B4GALT1: variants seen among roughly 807,000 people sequenced by gnomAD.
B4GALT1 encodes beta-1,4-galactosyltransferase 1.
B4GALT1 carries 16 observed loss-of-function variants against 34.9 expected under a neutral mutation model. The ratio of observed to expected loss-of-function variants is 0.46; its 90% CI spans 0.31 to 0.70. B4GALT1 has a LOEUF of 0.70. Among genes scored for constraint, B4GALT1 ranks in the 30% least tolerant of loss-of-function variants. B4GALT1 has a pLI of 0.05. For missense variants in B4GALT1, 445 were observed against 530.5 expected (o/e 0.84, Z 1.58); for synonymous variants, 221 against 218.1 (o/e 1.01, Z -0.12).
rs116487886 is a variant in B4GALT1 at position 33,126,012 on chromosome 9, T to C, written c.649-5406A>G. The stretch of plus-strand genomic sequence containing the variant: ...AAGACTCGCAATGAGTCAGAACTTC[T>C]ACGTGATAAGAGAGACACTGTTGCT... On this transcript the variant is annotated intron_variant, in intron 2 of 5. Coordinates refer to ENST00000379731, the MANE Select transcript of B4GALT1 (RefSeq NM_001497.4). 5.8e-3 allele frequency among the ~76,000 whole-genome samples: 884 copies of C among 152,264 alleles called. 7 individuals are homozygous for C. Among genetic ancestry groups the C allele is most frequent in the African/African-American group, 0.02 (837 of 41,556 alleles).
In B4GALT1 at chr9:33,116,075, A is replaced by G; in HGVS notation, c.875T>C (p.Leu292Pro). Reference protein sequence around the residue: ...YVQYFGGVSALSKQQFLTING... With the variant: ...YVQYFGGVSAPSKQQFLTING... ...GATGGTTAGAAACTGTTGTTTACTT[A>G]GAGCAGAGACACCTCCAAAATACTG... Residue 292 changes from leucine to proline, a missense_variant, in exon 4 of 6, where the codon CTA becomes CCA. Around this residue, in one of 3 missense-constraint regions of B4GALT1, gnomAD observed 349 missense variants for 395.5 expected, o/e 0.88. Transcript: ENST00000379731. The G allele has an allele frequency of 4.3e-6, 7 of 1,613,658 alleles. No homozygotes were observed. The highest frequency in any genetic ancestry group is 5.9e-6 in the Non-Finnish European group (7 of 1,179,656).
intron 1 of B4GALT1, among the ~76,000 whole-genome samples, chr9:33,157,601 T>C (rs1051475826): frequency 6.6e-6 from 1 of 152,208 alleles, no homozygotes; most frequent in Non-Finnish European, 1.5e-5. Context: ...TGCATTGGAA[T>C]ATGTATGCAT....
At chr9:33,131,645 G>C (rs757717346) in intron 2 of B4GALT1, among the ~76,000 whole-genome samples, 4 of 152,242 alleles carry the variant, frequency 2.6e-5, no homozygotes, top group Non-Finnish European at 5.9e-5. Context: ...ATGACAGCAG[G>C]GTGTCTGGGC....
the B4GALT1 span, among the ~76,000 whole-genome samples, chr9:33,183,285 A>C: frequency 6.6e-6 from 1 of 151,992 alleles, no homozygotes; most frequent in Non-Finnish European, 1.5e-5. Flanking sequence ...AAAACATAGG[A>C]TGATACCCAA....
chr9:33,119,367 G>A (rs1839987464), intron 3 of B4GALT1, among the ~76,000 whole-genome samples: 1 of 152,198 alleles, frequency 6.6e-6, no homozygotes, highest in South Asian at 2.1e-4. Context: ...AAAAATTTGG[G>A]CTTTGTATTT....
intron 2 of B4GALT1, 85 bp downstream of exon 2, chr9:33,135,104 C>G: frequency 7.4e-7 from 1 of 1,359,214 alleles, no homozygotes; most frequent in East Asian, 2.4e-5. Context: ...AAATCACTCC[C>G]CTTCCCCTGC....
chr9:33,118,649 G>A (rs1388737047), intron 3 of B4GALT1, among the ~76,000 whole-genome samples: 1 of 151,496 alleles, frequency 6.6e-6, no homozygotes, highest in African/African-American at 2.4e-5. Flanking sequence ...CAGGCTGGGT[G>A]ACAAGCAAGA....
Position 33,166,982 on chromosome 9 carries a change from C to A in B4GALT1, c.188G>T (p.Gly63Val). The A allele has an allele frequency of 1.3e-6, 2 of 1,587,214 alleles. No individual in the cohort carries two copies. The change falls in exon 1 of 6, where the codon GGC (glycine) becomes GTC (valine). Residue 63 changes from glycine to valine, a missense_variant. Physicochemically the swap from Gly to Val is moderately radical, Grantham distance 109. Coordinates refer to ENST00000379731, the MANE Select transcript of B4GALT1 (RefSeq NM_001497.4). ...CCCGATGGCGGCGGCACTGTTCGAG[C>A]CGCCCTGCAGCGGTGTGGAGACTCC... ...LVGVSTPLQG[G>V]SNSAAAIGQS...
At chr9:33,160,477 A>G (rs1840657708) in intron 1 of B4GALT1, among the ~76,000 whole-genome samples, 1 of 152,236 alleles carries the variant, frequency 6.6e-6, no homozygotes, top group Admixed American at 6.5e-5. Context: ...TAAAGACAAC[A>G]GCTATAACAC....
At chr9:33,181,531 G>A in the B4GALT1 span, among the ~76,000 whole-genome samples, 1 of 151,790 alleles carries the variant, frequency 6.6e-6, no homozygotes. Flanking sequence ...TTGATTTTTT[G>A]TGCCTCCTCT....
chr9:33,123,973 A>T (rs527363782), intron 2 of B4GALT1, among the ~76,000 whole-genome samples: 167 of 152,174 alleles, frequency 1.1e-3, no homozygotes, highest in African/African-American at 4.0e-3. Flanking sequence ...TTTCTCCCTC[A>T]TCCCAGCCTG....
At chr9:33,123,963 T>G (rs1840058358) in intron 2 of B4GALT1, among the ~76,000 whole-genome samples, 1 of 152,112 alleles carries the variant, frequency 6.6e-6, no homozygotes, top group East Asian at 1.9e-4. Context: ...TATCCCTCCC[T>G]TTCTCCCTCA....
At chr9:33,152,024 T>C (rs888895292) in intron 1 of B4GALT1, among the ~76,000 whole-genome samples, 1 of 152,168 alleles carries the variant, frequency 6.6e-6, no homozygotes, top group African/African-American at 2.4e-5. Flanking sequence ...CACATAAAAA[T>C]TCAAAACTTC....
chr9:33,144,319 C>A (rs983255063), intron 1 of B4GALT1, among the ~76,000 whole-genome samples: 1 of 152,144 alleles, frequency 6.6e-6, no homozygotes, highest in Admixed American at 6.5e-5. Context: ...CTGCAACCTC[C>A]GCCTCCCAGG....
chr9:33,163,668 G>A (rs568443739), intron 1 of B4GALT1, among the ~76,000 whole-genome samples: 1 of 152,218 alleles, frequency 6.6e-6, no homozygotes, highest in Non-Finnish European at 1.5e-5. Context: ...TAAACATGAC[G>A]GGGGAAGAAG....
chr9:33,115,044 G>A (rs933655460), intron 4 of B4GALT1, among the ~76,000 whole-genome samples: 5 of 152,082 alleles, frequency 3.3e-5, no homozygotes, highest in Admixed American at 3.3e-4. Flanking sequence ...CTATGTCCAG[G>A]TTTTCAGTGT....
chr9:33,172,548 C>T, the B4GALT1 span, among the ~76,000 whole-genome samples: 1 of 152,254 alleles, frequency 6.6e-6, no homozygotes, highest in East Asian at 1.9e-4. Flanking sequence ...TTCTTATCTG[C>T]CATCCTGCAA....
At chr9:33,113,648 C>T in intron 5 of B4GALT1, 62 bp from the exon 6 acceptor site, 2 of 1,611,380 alleles carry the variant, frequency 1.2e-6, no homozygotes, top group Non-Finnish European at 1.7e-6. Flanking sequence ...GAAATCATCA[C>T]ACGTACTTCC....
chr9:33,129,386 G>A (rs1039115711), intron 2 of B4GALT1, among the ~76,000 whole-genome samples: 3 of 152,202 alleles, frequency 2.0e-5, no homozygotes, highest in East Asian at 1.9e-4. Flanking sequence ...TGGAAGCTTC[G>A]GGGAGAGGCC....
Sources: allele counts gnomAD v4.1 joint callset (sites outside exome capture counted in the v4.1 genomes callset), GRCh38; gene constraint gnomAD v4.1.1; regional missense constraint gnomAD v4.1.1; transcripts MANE v1.5; gene names NCBI Gene and HGNC (gene_info 2026-07-23, HGNC 2026-07-21).